The following TMEM116 variants were observed in gnomAD, a reference collection of about 807,000 sequenced individuals.
The protein encoded by TMEM116 is transmembrane protein 116.
In TMEM116, 38 loss-of-function variants were observed where a neutral mutation model predicts 44.3. The observed-to-expected ratio is 0.86, with a 90% CI of 0.66 to 1.12. TMEM116 has a LOEUF of 1.12. Among genes scored for constraint, TMEM116 ranks in the 50% most tolerant of loss-of-function variants. TMEM116 has a pLI of 0.00. For synonymous variants in TMEM116, 132 were observed against 144.8 expected (o/e 0.91, Z 0.64); for missense variants, 354 against 401.7 (o/e 0.88, Z 1.01).
intron 4 of TMEM116, among the ~76,000 whole-genome samples, chr12:111,976,695 CAATT>C (rs1693303693): frequency 2.0e-5 from 3 of 151,916 alleles, no homozygotes; most frequent in Non-Finnish European, 4.4e-5. Context: ...AAAACAATAA[CAATT>C]AATATGTTAA....
intron 6 of TMEM116, 57 bp downstream of exon 6, chr12:111,938,104 T>G: frequency 8.1e-7 from 1 of 1,241,982 alleles, no homozygotes; most frequent in Non-Finnish European, 1.1e-6. Context: ...TGTTCCCACC[T>G]GAACACCAGA....
chr12:111,970,586 G>GTTTT (rs200011351), intron 4 of TMEM116, among the ~76,000 whole-genome samples: 4 of 133,476 alleles, frequency 3.0e-5, no homozygotes, highest in African/African-American at 1.1e-4. Flanking sequence ...AATCAAATGG[G>GTTTT]TTTTTTTTTT....
Position 111,995,606 on chromosome 12 carries a change from C to T in TMEM116, c.79-3717G>A, listed in dbSNP as rs913952645. ...TACAAAAATTAGCTGGGCATGGTGG[C>T]GGGCGCCTGTAATTCCAGCTACTCA... is the stretch of plus-strand genomic sequence containing the variant. On this transcript the variant is annotated intron_variant, in intron 3 of 10. Coordinates refer to ENST00000552374, the MANE Select transcript of TMEM116 (RefSeq NM_001193531.2). Among the ~76,000 whole-genome samples the T allele has an allele frequency of 4.6e-5, 7 of 152,012 alleles. No individual in the cohort carries two copies. The South Asian group carries it at 6.2e-4, about 14-fold the overall frequency.
At chr12:111,993,824 C>T (rs2076765892) in intron 3 of TMEM116, 1 of 746,038 alleles carries the variant, frequency 1.3e-6, no homozygotes, top group Non-Finnish European at 2.5e-6. Context: ...GTTTCTCACC[C>T]TGATGATTCT....
At chr12:111,936,653 C>T (rs767476672) in intron 8 of TMEM116, 39 bp downstream of exon 8, 31 of 1,598,298 alleles carry the variant, frequency 1.9e-5, no homozygotes, top group Non-Finnish European at 2.6e-5. Flanking sequence ...CCCTTCATTT[C>T]CTCATCTCTC....
chr12:112,000,374 C>T (rs1190646825), intron 3 of TMEM116, among the ~76,000 whole-genome samples: 1 of 152,132 alleles, frequency 6.6e-6, no homozygotes, highest in Admixed American at 6.6e-5. Flanking sequence ...AAAAATTCAT[C>T]CCTCAGAAAT....
intron 10 of TMEM116, 139 bp from the exon 11 acceptor site, chr12:111,931,966 AT>A: frequency 6.4e-6 from 4 of 621,688 alleles, no homozygotes; most frequent in Non-Finnish European, 1.1e-5. Flanking sequence ...AGTTTTTTAT[AT>A]TTTTCTAGTT....
intron 5 of TMEM116, among the ~76,000 whole-genome samples, chr12:111,939,878 C>CTG (rs1491148442): frequency 5.4e-5 from 6 of 110,830 alleles, no homozygotes; most frequent in East Asian, 4.0e-4. Context: ...ATCTTCAAAG[C>CTG]TCTGTGTGTG....
At chr12:111,982,294 A>C (rs1267708921) in intron 4 of TMEM116, among the ~76,000 whole-genome samples, 1 of 150,052 alleles carries the variant, frequency 6.7e-6, no homozygotes. Context: ...TTTACATCAT[A>C]AATGCATACC....
chr12:111,985,827 G>A (rs1211652760), intron 4 of TMEM116, among the ~76,000 whole-genome samples: 1 of 151,986 alleles, frequency 6.6e-6, no homozygotes, highest in Non-Finnish European at 1.5e-5. Context: ...AAACTCCTGG[G>A]CTCATGCGAT....
chr12:111,950,244 C>T (rs1020397386), intron 4 of TMEM116, among the ~76,000 whole-genome samples: 1 of 152,114 alleles, frequency 6.6e-6, no homozygotes, highest in African/African-American at 2.4e-5. Context: ...TGCCCAATGC[C>T]ATAACCAGAG....
chr12:111,936,417 C>T, intron 8 of TMEM116: 1 of 287,506 alleles, frequency 3.5e-6, no homozygotes, highest in East Asian at 6.1e-5. Flanking sequence ...TATGAGTTTT[C>T]TGGCCATAGG....
intron 4 of TMEM116, among the ~76,000 whole-genome samples, chr12:111,952,433 C>T (rs1593352554): frequency 6.6e-6 from 1 of 152,188 alleles, no homozygotes; most frequent in African/African-American, 2.4e-5. Context: ...GACCCATATA[C>T]ACATAATTTA....
intron 7 of TMEM116, 33 bp downstream of exon 7, chr12:111,937,127 G>C (rs1168233167): frequency 2.6e-6 from 4 of 1,551,956 alleles, no homozygotes; most frequent in Non-Finnish European, 3.6e-6. Flanking sequence ...GGTGTAGTCT[G>C]CCATGAAAAT....
intron 4 of TMEM116, among the ~76,000 whole-genome samples, chr12:111,964,807 C>T (rs569989697): frequency 2.8e-4 from 43 of 152,234 alleles, no homozygotes; most frequent in African/African-American, 8.9e-4. Flanking sequence ...CTCACTTCAG[C>T]CTCCTGAGTA....
intron 3 of TMEM116, 186 bp downstream of exon 3, chr12:112,003,614 C>A: frequency 3.1e-6 from 2 of 654,680 alleles, no homozygotes; most frequent in South Asian, 2.7e-5. Flanking sequence ...AAAGTTATAG[C>A]TAAAATAATT....
chr12:111,949,177 T>C (rs1456352564), intron 4 of TMEM116, among the ~76,000 whole-genome samples: 1 of 151,958 alleles, frequency 6.6e-6, no homozygotes, highest in East Asian at 1.9e-4. Flanking sequence ...TCTCTTAAGC[T>C]ATCTACAGTT....
At chr12:111,939,369 C>G (rs2072461451) in intron 5 of TMEM116, among the ~76,000 whole-genome samples, 2 of 150,152 alleles carry the variant, frequency 1.3e-5, no homozygotes, top group South Asian at 4.2e-4. Flanking sequence ...AAGAGAATTG[C>G]TTGAACCCGG....
intron 4 of TMEM116, among the ~76,000 whole-genome samples, chr12:111,957,001 C>T (rs2074158262): frequency 6.6e-6 from 1 of 151,262 alleles, no homozygotes; most frequent in Non-Finnish European, 1.5e-5. Context: ...AGCCCCTCTG[C>T]CTGGCCGCCC....
Sources: gnomAD v4.1 joint callset for allele counts (sites outside exome capture counted in the v4.1 genomes callset) on GRCh38, gnomAD v4.1.1 for gene constraint, MANE v1.5 for transcripts, NCBI Gene and HGNC (gene_info 2026-07-23, HGNC 2026-07-21) for gene names.